Variants in SIM1 observed in about 807,000 individuals in gnomAD.
The protein encoded by SIM1 is single-minded homolog 1.
A neutral mutation model predicts 78.2 loss-of-function variants in SIM1; 18 were observed. That is an observed-to-expected ratio of 0.23 (90% CI 0.16 to 0.34). SIM1 has a LOEUF of 0.34. SIM1 is among the 10% of genes least tolerant of loss of function. SIM1 has a pLI of 1.00. For synonymous variants in SIM1, 417 were observed against 385.2 expected (o/e 1.08, Z -0.97); for missense variants, 939 against 975.1 (o/e 0.96, Z 0.49).
intron 9 of SIM1, among the ~76,000 whole-genome samples, chr6:100,443,745 G>T (rs534004518): frequency 1.3e-5 from 2 of 152,038 alleles, no homozygotes; most frequent in Non-Finnish European, 2.9e-5. Context: ...TGCTATTCAA[G>T]GATGAAGCAC....
At chr6:100,441,880 A>G (rs575415411) in intron 9 of SIM1, among the ~76,000 whole-genome samples, 1 of 152,186 alleles carries the variant, frequency 6.6e-6, no homozygotes, top group East Asian at 1.9e-4. Context: ...TGTGGGCTGA[A>G]CACTACAGGC....
At position 100,420,903 on chromosome 6, in the gene SIM1, G is replaced by T. The variant is rs3734354; in HGVS notation, c.1054C>A (p.Pro352Thr). The T allele has an allele frequency of 0.15, 241,452 of 1,613,500 alleles. 21,637 individuals are homozygous for T. The highest frequency in any genetic ancestry group is 0.46 in the East Asian group (20,649 of 44,826). ...GAGCTGCTGGTATAGGAGAAGGCTG[G>T]TTTGGAGGCTGAGATCTGATCCAGG... ...LSLDQISASK[P>T]AFSYTSSSTP... is the part of the protein sequence containing the mutation. The change falls in exon 10 of 12, where the codon CCA becomes ACA. Residue 352 changes from proline to threonine, a missense_variant. By Grantham distance (38) the Pro-to-Thr change is conservative (BLOSUM62 -1). This residue lies in a region of SIM1 where 556 missense variants were observed against 521.9 expected (regional missense o/e 1.07). Transcript: ENST00000369208.
intron 10 of SIM1, among the ~76,000 whole-genome samples, chr6:100,396,309 G>T (rs1770765378): frequency 6.6e-6 from 1 of 151,866 alleles, no homozygotes; most frequent in African/African-American, 2.4e-5. Context: ...GTATAAACCA[G>T]GTCTATTTCT....
chr6:100,461,841 C>CTTTTTTTTTTTTTTTTTTTTTTTTTTTTT (rs10522700), intron 2 of SIM1, among the ~76,000 whole-genome samples: 4 of 113,354 alleles, frequency 3.5e-5, no homozygotes, highest in Admixed American at 9.0e-5. Flanking sequence ...TTCTTTCTTT[C>CTTTTTTTTTTTTTTTTTTTTTTTTTTTTT]TTTTTTTTTT....
chr6:100,394,014 C>T (rs1770711661), intron 10 of SIM1, 125 bp from the exon 11 acceptor site: 3 of 943,984 alleles, frequency 3.2e-6, no homozygotes, highest in African/African-American at 1.7e-5. Context: ...GTCCTGAGGT[C>T]GTCAAAATAA....
intron 9 of SIM1, among the ~76,000 whole-genome samples, chr6:100,432,204 G>C (rs1771920835): frequency 1.3e-5 from 2 of 152,166 alleles, no homozygotes; most frequent in South Asian, 4.1e-4. Context: ...TATTGATTCA[G>C]TTTATCAGCT....
intron 10 of SIM1, among the ~76,000 whole-genome samples, chr6:100,405,454 T>A (rs1198235856): frequency 6.6e-6 from 1 of 152,160 alleles, no homozygotes; most frequent in African/African-American, 2.4e-5. Flanking sequence ...TAATACAAAT[T>A]ATCAGCTTCC....
At chr6:100,431,922 T>G (rs1182650251) in intron 9 of SIM1, among the ~76,000 whole-genome samples, 1 of 152,084 alleles carries the variant, frequency 6.6e-6, no homozygotes, top group African/African-American at 2.4e-5. Context: ...AGTGGGAGGA[T>G]TGCTTGAGGC....
intron 9 of SIM1, among the ~76,000 whole-genome samples, chr6:100,425,580 T>A (rs1195642926): frequency 6.6e-6 from 1 of 152,334 alleles, no homozygotes; most frequent in African/African-American, 2.4e-5. Context: ...CAAGAGTGAA[T>A]CTGAATGGCA....
At chr6:100,428,976 C>T (rs532046225) in intron 9 of SIM1, among the ~76,000 whole-genome samples, 25 of 152,232 alleles carry the variant, frequency 1.6e-4, no homozygotes, top group African/African-American at 5.1e-4. Flanking sequence ...CCTCATATTA[C>T]TGAAACCACA....
chr6:100,448,833 A>T (rs1772434020), intron 6 of SIM1, among the ~76,000 whole-genome samples, 155 bp from the exon 7 acceptor site: 1 of 152,172 alleles, frequency 6.6e-6, no homozygotes, highest in South Asian at 2.1e-4. Context: ...TGGTGCTCTA[A>T]GGTGTCTTAA....
intron 10 of SIM1, 51 bp from the exon 11 acceptor site, chr6:100,393,940 A>G (rs1353907856): frequency 2.0e-6 from 3 of 1,502,500 alleles, no homozygotes; most frequent in Non-Finnish European, 2.7e-6. Context: ...ATCGATCAGT[A>G]AGAGAAAACA....
chr6:100,411,533 A>C (rs954643629), intron 10 of SIM1, among the ~76,000 whole-genome samples: 1 of 152,184 alleles, frequency 6.6e-6, no homozygotes, highest in Non-Finnish European at 1.5e-5. Flanking sequence ...TAGCAGCAGT[A>C]TGTTCCCCTC....
chr6:100,416,926 T>C (rs1582625018), intron 10 of SIM1, among the ~76,000 whole-genome samples: 1 of 151,978 alleles, frequency 6.6e-6, no homozygotes, highest in Admixed American at 6.6e-5. Context: ...TAGTTTTCCT[T>C]GCTTCAATCA....
intron 2 of SIM1, among the ~76,000 whole-genome samples, chr6:100,459,799 GT>G (rs1229584991): frequency 2.0e-5 from 3 of 152,232 alleles, no homozygotes; most frequent in Non-Finnish European, 4.4e-5. Context: ...TCCTTTCAAA[GT>G]TGATTATGAA....
chr6:100,417,081 C>A (rs1447869688), intron 10 of SIM1, among the ~76,000 whole-genome samples: 1 of 152,038 alleles, frequency 6.6e-6, no homozygotes, highest in Non-Finnish European at 1.5e-5. Context: ...TTAAATGACA[C>A]CAACCCTCCT....
chr6:100,406,802 C>T (rs527844892), intron 10 of SIM1, among the ~76,000 whole-genome samples: 3 of 152,056 alleles, frequency 2.0e-5, no homozygotes, highest in South Asian at 4.2e-4. Context: ...TTAACACATT[C>T]GTCACCTCAC....
rs79172790 is a variant in SIM1 at position 100,414,675 on chromosome 6, G to A, written c.1167+6115C>T. ...TTAATGGTCAAGGATTACACATTTG[G>A]GTGTTACATATAAAACATGAAATGA... On this transcript the variant is annotated intron_variant, in intron 10 of 11. Coordinates refer to ENST00000369208, the MANE Select transcript of SIM1 (RefSeq NM_005068.3). Among the ~76,000 whole-genome samples, 989 of 152,192 alleles carry A rather than the reference G, an allele frequency of 6.5e-3. 9 individuals carry two copies. Among genetic ancestry groups the A allele is most frequent in the African/African-American group, 0.022 (913 of 41,520 alleles).
intron 9 of SIM1, among the ~76,000 whole-genome samples, chr6:100,441,664 A>G (rs1401736173): frequency 6.6e-6 from 1 of 152,206 alleles, no homozygotes; most frequent in Non-Finnish European, 1.5e-5. Flanking sequence ...TGCAGGCTAC[A>G]TTTTCTTCTT....
Sources: allele counts gnomAD v4.1 joint callset (sites outside exome capture counted in the v4.1 genomes callset), GRCh38; gene constraint gnomAD v4.1.1; regional missense constraint gnomAD v4.1.1; transcripts MANE v1.5; gene names NCBI Gene and HGNC (gene_info 2026-07-23, HGNC 2026-07-21).